The following VASP variants were observed in gnomAD, a reference collection of about 807,000 sequenced individuals.
VASP encodes the protein vasodilator stimulated phosphoprotein, also known as vasodilator-stimulated phosphoprotein.
In VASP, 27 loss-of-function variants were observed where a neutral mutation model predicts 54.4. The observed-to-expected ratio is 0.50, with a 90% CI of 0.37 to 0.68. The LOEUF is 0.68. Ranked by LOEUF, VASP falls within the 30% of genes least tolerant of loss-of-function variation. The pLI is 0.00. For synonymous variants in VASP, 233 were observed against 209.8 expected (o/e 1.11, Z -0.96); for missense variants, 488 against 528.3 (o/e 0.92, Z 0.75).
chr19:45,522,486 C>G lies in VASP; in HGVS notation c.625C>G (p.Pro209Ala), dbSNP rs1242574547. 2.0e-6 allele frequency: 3 copies of G among 1,468,642 alleles called. No individual in the cohort carries two copies. The highest frequency in any genetic ancestry group is 4.9e-5 in the East Asian group (2 of 40,476). The allele number at this position is 1,468,642 out of a possible 1,614,324, so 91.0% of individuals were successfully genotyped here. A position where few individuals can be genotyped will look rare whatever the true frequency, so the allele number is the denominator to read the frequency against. The change falls in exon 6 of 13, where the codon CCT becomes GCT. Residue 209 changes from proline (P) to alanine (A), a missense_variant. Coordinates refer to ENST00000245932, the MANE Select transcript of VASP (RefSeq NM_003370.4). ...GAGGGPPPAP[P>A]LPAAQGPGGG... is the part of the protein sequence containing the mutation. ...AGGGGGAGGACCACCCCCTGCACCC[C>G]CTCTCCCGGCAGCACAGGGCCCTGG...
chr19:45,517,857 T>A, intron 2 of VASP, 23 bp downstream of exon 2: 2 of 1,610,216 alleles, frequency 1.2e-6, no homozygotes, highest in Non-Finnish European at 1.7e-6. Context: ...GCCGGCCCCC[T>A]CTGTGGGCTG....
chr19:45,526,060 T>C (rs2122353578), intron 12 of VASP, 57 bp downstream of exon 12: 4 of 1,613,570 alleles, frequency 2.5e-6, no homozygotes, highest in African/African-American at 1.3e-5. Context: ...GGAGGCATCA[T>C]GTCCCTGGGC....
At chr19:45,526,075 G>T (rs1968959095) in intron 12 of VASP, 65 bp from the exon 13 acceptor site, 1 of 1,613,446 alleles carries the variant, frequency 6.2e-7, no homozygotes, top group African/African-American at 1.3e-5. Flanking sequence ...CTGGGCAAGA[G>T]CCCTGTTTTG....
chr19:45,522,525 G>A lies in VASP; in HGVS notation c.664G>A (p.Gly222Arg), dbSNP rs763082077. The part of the protein sequence containing the change: ...AAQGPGGGGA[G>R]APGLAAAIAG... ...ACAGGGCCCTGGTGGTGGGGGAGCT[G>A]GGGCCCCAGGCCTGGCCGCAGCTAT... The change falls in exon 6 of 13, where the codon GGG (glycine) becomes AGG (arginine). Residue 222 changes from glycine to arginine, a missense_variant. By Grantham distance (125) the Gly-to-Arg change is moderately radical. Around this residue, in one of 4 missense-constraint regions of VASP, gnomAD observed 226 missense variants for 196.0 expected, o/e 1.15. Transcript: ENST00000245932. 2 of 1,455,928 alleles carry A rather than the reference G, an allele frequency of 1.4e-6. No homozygotes were observed. The highest frequency in any genetic ancestry group is 1.5e-5 in the South Asian group (1 of 68,958). 90.2% of individuals were successfully genotyped at this position (1,455,928 alleles called of 1,614,324 possible). A position where few individuals can be genotyped will look rare whatever the true frequency, so the allele number is the denominator to read the frequency against.
chr19:45,523,145 T>G (rs1003637074), intron 7 of VASP, among the ~76,000 whole-genome samples: 1 of 147,476 alleles, frequency 6.8e-6, no homozygotes, highest in South Asian at 2.2e-4. Flanking sequence ...AATATAAGAA[T>G]CATAGAACCT....
intron 1 of VASP, among the ~76,000 whole-genome samples, chr19:45,517,399 G>C (rs1445661235): frequency 1.3e-5 from 2 of 150,416 alleles, no homozygotes; most frequent in Non-Finnish European, 2.9e-5. Context: ...CCTTCAGTCT[G>C]TCTCTCCTCT....
At chr19:45,523,087 A>T (rs975084172) in intron 7 of VASP, among the ~76,000 whole-genome samples, 1 of 151,204 alleles carries the variant, frequency 6.6e-6, no homozygotes, top group African/African-American at 2.4e-5. Context: ...CTGCAATCTC[A>T]GTGTTCCAAC....
At chr19:45,526,069 G>A in intron 12 of VASP, 66 bp downstream of exon 12, 1 of 1,613,530 alleles carries the variant, frequency 6.2e-7, no homozygotes, top group South Asian at 1.1e-5. Flanking sequence ...ATGTCCCTGG[G>A]CAAGAGCCCT....
intron 1 of VASP, among the ~76,000 whole-genome samples, chr19:45,513,650 T>A (rs758407092): frequency 6.6e-6 from 1 of 151,680 alleles, no homozygotes; most frequent in Non-Finnish European, 1.5e-5. Context: ...GTATTTTTAG[T>A]AGGCATAGGG....
chr19:45,522,031 AGG>A, intron 4 of VASP, 135 bp from the exon 5 acceptor site: 3 of 1,116,384 alleles, frequency 2.7e-6, no homozygotes, highest in South Asian at 1.5e-5. Flanking sequence ...TTGGTTCCCT[AGG>A]GGAGGAAGGC....
At chr19:45,513,468 C>CTTTTTTTTTTTTTTTTTTTTTTTTTTTTT (rs71173173) in intron 1 of VASP, among the ~76,000 whole-genome samples, 9 of 92,788 alleles carry the variant, frequency 9.7e-5, no homozygotes, top group Admixed American at 2.8e-4. Flanking sequence ...AGTCTCTCTC[C>CTTTTTTTTTTTTTTTTTTTTTTTTTTTTT]TTTTTTTTTT....
rs549442359 is a variant in VASP at position 45,520,824 on chromosome 19, C to A, written c.344-498C>A. Reference sequence around the variant, plus strand: ...ATTAAAAATACAAAAATTAGCCAGGCATGGTGGCAGGCGCCTGTAATCCCA... The same window carrying A: ...ATTAAAAATACAAAAATTAGCCAGGAATGGTGGCAGGCGCCTGTAATCCCA... On this transcript the variant is annotated intron_variant, in intron 3 of 12. Transcript: ENST00000245932. Among the ~76,000 whole-genome samples, 4 of 152,262 alleles carry A rather than the reference C, an allele frequency of 2.6e-5. No individual in the cohort carries two copies. The South Asian group carries it at 8.3e-4, about 32-fold the overall frequency.
intron 11 of VASP, chr19:45,525,734 C>T (rs1339753115): frequency 6.2e-6 from 3 of 484,982 alleles, no homozygotes; most frequent in Admixed American, 4.0e-5. Context: ...CTGATTGTGG[C>T]GGCAGGTGAC....
chr19:45,512,957 A>C (rs963132499), intron 1 of VASP, among the ~76,000 whole-genome samples: 2 of 152,184 alleles, frequency 1.3e-5, no homozygotes, highest in Non-Finnish European at 2.9e-5. Context: ...GCTTTTAAAA[A>C]TTTCAATTTA....
intron 11 of VASP, 87 bp downstream of exon 11, chr19:45,524,747 A>C: frequency 1.5e-6 from 2 of 1,335,264 alleles, no homozygotes; most frequent in Non-Finnish European, 2.1e-6. Context: ...CCTAGATAAC[A>C]TCTCAGAAAC....
chr19:45,511,344 C>T (rs1968596917), intron 1 of VASP, among the ~76,000 whole-genome samples: 1 of 152,162 alleles, frequency 6.6e-6, no homozygotes, highest in Non-Finnish European at 1.5e-5. Context: ...TACCAAGTTA[C>T]AGTTCCTGCG....
rs1244404490 is a variant in VASP at position 45,507,624 on chromosome 19, A to G, written c.-148A>G. On this transcript the variant is annotated 5_prime_UTR_variant, in exon 1 of 13. Transcript: ENST00000245932. The surrounding 1 kb of genome is among the most constrained non-coding windows in gnomAD (Gnocchi z 4.4). The stretch of plus-strand genomic sequence containing the variant: ...GGAGACCCGCCCCGGCCCGGTCCAC[A>G]TTCTCCCCAGGAAGCCGGACTCTAT... The G allele has an allele frequency of 2.9e-6, 3 of 1,018,252 alleles. No individual in the cohort carries two copies. The highest frequency in any genetic ancestry group is 3.2e-5 in the Admixed American group (1 of 31,230). 63.1% of individuals were successfully genotyped at this position (1,018,252 alleles called of 1,614,324 possible).
chr19:45,525,702 AAAAAG>A, intron 11 of VASP: 12 of 408,642 alleles, frequency 2.9e-5, no homozygotes, highest in Admixed American at 4.3e-5. Context: ...TTTCAAAAAA[AAAAAG>A]AAAAAGAAAA....
At chr19:45,513,113 C>T (rs562314308) in intron 1 of VASP, among the ~76,000 whole-genome samples, 15 of 152,214 alleles carry the variant, frequency 9.9e-5, no homozygotes, top group Non-Finnish European at 1.2e-4. Flanking sequence ...AAAGGGTGAG[C>T]GTCAGAGCCT....
Sources: gnomAD v4.1 joint callset for allele counts (sites outside exome capture counted in the v4.1 genomes callset) on GRCh38, gnomAD v4.1.1 for gene constraint, gnomAD v4.1.1 regional missense constraint, Gnocchi (gnomAD v3.1) non-coding constraint, MANE v1.5 for transcripts, NCBI Gene and HGNC (gene_info 2026-07-23, HGNC 2026-07-21) for gene names.